The following TULP4 variants were observed in gnomAD, a reference collection of about 807,000 sequenced individuals.
TULP4 encodes the protein TUB like protein 4.
Under a neutral mutation model 129.0 loss-of-function variants are expected in TULP4, and 16 were observed. The ratio of observed to expected loss-of-function variants is 0.12; its 90% CI spans 0.08 to 0.19. The LOEUF is 0.19. Ranked by LOEUF, TULP4 falls within the 10% of genes least tolerant of loss-of-function variation. The pLI is 1.00. For synonymous variants in TULP4, 998 were observed against 854.0 expected (o/e 1.17, Z -2.94); for missense variants, 1,842 against 2,059.1 (o/e 0.89, Z 2.04).
intron 1 of TULP4, among the ~76,000 whole-genome samples, chr6:158,317,708 T>C (rs1779523301): frequency 6.6e-6 from 1 of 152,242 alleles, no homozygotes. Flanking sequence ...GTATTTCTAG[T>C]TCTAGATCCT....
At chr6:158,240,302 G>A (rs1267969333) in intron 1 of TULP4, among the ~76,000 whole-genome samples, 11 of 82,476 alleles carry the variant, frequency 1.3e-4, no homozygotes, top group Admixed American at 1.2e-4. Context: ...CCGGGCAGAG[G>A]CGCCCCTCAC....
At chr6:158,366,534 C>T (rs894077936) in intron 1 of TULP4, among the ~76,000 whole-genome samples, 4 of 152,170 alleles carry the variant, frequency 2.6e-5, no homozygotes, top group Non-Finnish European at 5.9e-5. Context: ...ACAGTGGTTT[C>T]GTGCTGCGTC....
intron 13 of TULP4, among the ~76,000 whole-genome samples, chr6:158,506,270 C>T (rs1454368038): frequency 2.7e-5 from 3 of 110,988 alleles, no homozygotes; most frequent in East Asian, 5.6e-4. Flanking sequence ...TCTCCTCTGT[C>T]GCCCAGGCTG....
intron 1 of TULP4, among the ~76,000 whole-genome samples, chr6:158,350,158 C>G (rs113261985): frequency 0.18 from 27,392 of 149,238 alleles, 3,074 homozygotes; most frequent in East Asian, 0.29. Flanking sequence ...TCCTCACTTC[C>G]TCCCAGACGG....
In TULP4 at chr6:158,503,843, A is replaced by G; in HGVS notation, c.4180A>G (p.Lys1394Glu). Residue 1394 changes from lysine (K) to glutamate (E), a missense_variant, in exon 13 of 14, where the codon AAG (lysine) becomes GAG (glutamate). Lys to Glu is a moderately conservative substitution (Grantham distance 56, BLOSUM62 1). Transcript: ENST00000367097. This position sits in a 1 kb window ranked among gnomAD's most constrained non-coding sequence, Gnocchi z 4.3. ...GAGTCAGAAAGACCAACTGAAGTCA[A>G]AGAAGTTGAATAAGACAAACGAGTT... ...VKSQKDQLKS[K>E]KLNKTNEFQD... 6.2e-7 allele frequency: 1 copy of G among 1,614,140 alleles called. No individual in the cohort carries two copies. The highest frequency in any genetic ancestry group is 8.5e-7 in the Non-Finnish European group (1 of 1,180,046).
intron 13 of TULP4, among the ~76,000 whole-genome samples, chr6:158,505,512 A>G (rs1469758437): frequency 2.6e-5 from 4 of 152,250 alleles, no homozygotes; most frequent in African/African-American, 9.6e-5. Context: ...TAAAATATTT[A>G]TTATCAGCCC....
At chr6:158,375,018 G>A (rs371187421) in intron 1 of TULP4, among the ~76,000 whole-genome samples, 165 of 152,232 alleles carry the variant, frequency 1.1e-3, no homozygotes, top group Middle Eastern at 0.01. Context: ...CGAGGCGGGC[G>A]GGTCACTTGA....
chr6:158,461,038 A>G (rs1562575927), intron 5 of TULP4, among the ~76,000 whole-genome samples: 2 of 152,242 alleles, frequency 1.3e-5, no homozygotes, highest in African/African-American at 4.8e-5. Context: ...GTAAACTACA[A>G]TCCCCAGTCA....
intron 1 of TULP4, among the ~76,000 whole-genome samples, chr6:158,254,962 C>T (rs535537102): frequency 1.3e-5 from 2 of 152,180 alleles, no homozygotes; most frequent in Non-Finnish European, 2.9e-5. Flanking sequence ...GTCCCAGCTA[C>T]TCAGGAGGCT....
intron 1 of TULP4, among the ~76,000 whole-genome samples, chr6:158,260,950 AGCTGGGATTACAGGT>A (rs368082452): frequency 0.01 from 1,548 of 151,874 alleles, 28 homozygotes; most frequent in African/African-American, 0.036. Flanking sequence ...CCTCCCGAGT[AGCTGGGATTACAGGT>A]GCACACCACC....
chr6:158,282,519 C>T (rs182081755), intron 1 of TULP4: 1 of 151,470 alleles, frequency 6.6e-6, no homozygotes, highest in East Asian at 1.9e-4. Context: ...ACATTTGGAT[C>T]ATTATCTTTT....
intron 6 of TULP4, among the ~76,000 whole-genome samples, chr6:158,469,191 G>A (rs886433615): frequency 2.4e-4 from 36 of 152,038 alleles, no homozygotes; most frequent in African/African-American, 7.5e-4. Context: ...GTGGAAGAGA[G>A]ACACAGAGTT....
intron 1 of TULP4, among the ~76,000 whole-genome samples, chr6:158,385,842 C>CTTTTT (rs778595442): frequency 0.047 from 2,774 of 59,504 alleles, 545 homozygotes; most frequent in Non-Finnish European, 0.063. Flanking sequence ...TGTGGAATAT[C>CTTTTT]TTTTTTTTTT....
rs11284971 is a variant in TULP4, at chr6:158,413,722, AC to A, written c.381+532del. Reference sequence around the variant, plus strand: ...GTCTCTGCTCTCAGGAAACAGTTGCACCCAGGACAGCCTGCTGAGCTGCGCT... The same window carrying A: ...GTCTCTGCTCTCAGGAAACAGTTGCACCAGGACAGCCTGCTGAGCTGCGCT... On this transcript the variant is annotated intron_variant, in intron 2 of 13. Coordinates refer to ENST00000367097, the MANE Select transcript of TULP4 (RefSeq NM_020245.5). The surrounding 1 kb of genome is among the most constrained non-coding windows in gnomAD (Gnocchi z 4.9). 0.17 allele frequency among the ~76,000 whole-genome samples: 25,612 copies of A among 152,096 alleles called. 2,796 individuals carry two copies. The highest frequency in any genetic ancestry group is 0.45 in the East Asian group (2,309 of 5,144).
At chr6:158,307,709 C>T (rs1779241482), upstream of TULP4, among the ~76,000 whole-genome samples, 1 of 152,144 alleles carries the variant, frequency 6.6e-6, no homozygotes, top group African/African-American at 2.4e-5. Flanking sequence ...TCTCGAACTC[C>T]TAACCTCTGG....
intron 1 of TULP4, among the ~76,000 whole-genome samples, chr6:158,365,904 T>C (rs1344121254): frequency 1.1e-3 from 129 of 121,096 alleles, no homozygotes; most frequent in East Asian, 7.8e-3. Context: ...TCTTTCTTTT[T>C]TTTTTTTTTT....
chr6:158,325,543 G>A (rs1469962219), intron 1 of TULP4, among the ~76,000 whole-genome samples: 5 of 151,814 alleles, frequency 3.3e-5, no homozygotes, highest in Non-Finnish European at 5.9e-5. Context: ...TAGTAGAGAC[G>A]GGATTTCACC....
intron 1 of TULP4, among the ~76,000 whole-genome samples, chr6:158,302,364 T>C (rs1160441005): frequency 5.9e-5 from 9 of 152,204 alleles, no homozygotes; most frequent in African/African-American, 2.2e-4. Context: ...GAGAGGCCAA[T>C]TCTTAGGTAT....
intron 1 of TULP4, among the ~76,000 whole-genome samples, chr6:158,378,842 G>A (rs1053517984): frequency 4.6e-5 from 7 of 152,166 alleles, no homozygotes; most frequent in African/African-American, 9.7e-5. Flanking sequence ...AGTTTGAGGC[G>A]ACAGTAGGTT....
Sources: gnomAD v4.1 joint callset for allele counts (sites outside exome capture counted in the v4.1 genomes callset) on GRCh38, gnomAD v4.1.1 for gene constraint, Gnocchi (gnomAD v3.1) non-coding constraint, MANE v1.5 for transcripts, NCBI Gene and HGNC (gene_info 2026-07-23, HGNC 2026-07-21) for gene names.